MAPKAP1: variants seen among roughly 807,000 people sequenced by gnomAD.
MAPKAP1 encodes MAPK associated protein 1.
MAPKAP1 carries 20 observed loss-of-function variants against 65.7 expected under a neutral mutation model. That is an observed-to-expected ratio of 0.30 (90% CI 0.21 to 0.44). MAPKAP1 has a LOEUF of 0.44. Among genes scored for constraint, MAPKAP1 ranks in the 20% least tolerant of loss-of-function variants. The pLI is 1.00. For synonymous variants in MAPKAP1, 222 were observed against 244.3 expected, an observed-to-expected ratio of 0.91 and a Z score of 0.85; for missense variants, 423 against 648.0, an observed-to-expected ratio of 0.65 and a Z score of 3.77.
At chr9:125,697,946 C>T (rs1588087515) in intron 1 of MAPKAP1, among the ~76,000 whole-genome samples, 1 of 151,774 alleles carries the variant, frequency 6.6e-6, no homozygotes, top group Non-Finnish European at 1.5e-5. Context: ...TCAATAATAA[C>T]TTTCTGTAAA....
chr9:125,641,756 G>T (rs1352109698), intron 4 of MAPKAP1, among the ~76,000 whole-genome samples: 1 of 152,108 alleles, frequency 6.6e-6, no homozygotes, highest in Non-Finnish European at 1.5e-5. Context: ...AATAGGCCAG[G>T]CGTGGTGGCT....
intron 7 of MAPKAP1, among the ~76,000 whole-genome samples, chr9:125,540,555 G>C (rs1212853035): frequency 6.6e-6 from 1 of 152,206 alleles, no homozygotes; most frequent in Non-Finnish European, 1.5e-5. Context: ...GGGTAGCAAA[G>C]AGACAAGTGC....
rs1487914014 is a variant in MAPKAP1 at position 125,672,444 on chromosome 9, G to A, written c.131C>T (p.Pro44Leu). 2 of 1,614,026 alleles carry A rather than the reference G, an allele frequency of 1.2e-6. No individual in the cohort carries two copies. The highest frequency in any genetic ancestry group is 1.7e-5 in the Admixed American group (1 of 59,994). ...HDVDLEKIHP[P>L]SMPGDSGSEI... ...TGACCCACTGTCTCCAGGCATTGAA[G>A]GAGGATGAATCTTCTCTAGGTCAAC... Residue 44 changes from proline to leucine, a missense_variant, in exon 2 of 12, where the codon CCT (proline) becomes CTT (leucine). Physicochemically the swap from Pro to Leu is moderately conservative, Grantham distance 98 (BLOSUM62 -3). Around this residue, in one of 6 missense-constraint regions of MAPKAP1, gnomAD observed 58 missense variants for 56.9 expected, o/e 1.02. Transcript: ENST00000265960.
rs71374284 is a variant in MAPKAP1 at position 125,629,054 on chromosome 9, A to AACACACACACAC, written c.498+28585_498+28596dup. On this transcript the variant is annotated intron_variant, in intron 4 of 11. Coordinates refer to ENST00000265960, the MANE Select transcript of MAPKAP1 (RefSeq NM_001006617.3). ...CACCTGTTAGGATGGTCACTGTCAA[A>AACACACACACAC]ACACACACACACACACACACACACA... is the stretch of plus-strand genomic sequence containing the variant. 2.6e-3 allele frequency among the ~76,000 whole-genome samples: 388 copies of AACACACACACAC among 147,478 alleles called. 2 individuals are homozygous for AACACACACACAC. The highest frequency in any genetic ancestry group is 9.0e-3 in the African/African-American group (360 of 39,898).
chr9:125,600,005 A>G (rs1229503673), intron 4 of MAPKAP1: 1 of 152,222 alleles, frequency 6.6e-6, no homozygotes, highest in East Asian at 1.9e-4. Context: ...GGTTTTCTCT[A>G]CTTAAAACAA....
chr9:125,603,942 T>A (rs548382081), intron 4 of MAPKAP1, among the ~76,000 whole-genome samples: 6 of 149,898 alleles, frequency 4.0e-5, no homozygotes, highest in East Asian at 1.9e-4. Flanking sequence ...TTATTTTTTT[T>A]AACTAAATAA....
chr9:125,677,205 G>A (rs559221046), intron 1 of MAPKAP1, among the ~76,000 whole-genome samples: 35 of 152,192 alleles, frequency 2.3e-4, no homozygotes, highest in Middle Eastern at 3.4e-3. Context: ...TTGGGAGGCC[G>A]AGGCGGGCGG....
At chr9:125,697,828 A>G (rs952028853) in intron 1 of MAPKAP1, among the ~76,000 whole-genome samples, 2 of 152,184 alleles carry the variant, frequency 1.3e-5, no homozygotes, top group African/African-American at 4.8e-5. Context: ...TAACCATCTT[A>G]CCATCTTACC....
chr9:125,470,039 G>C (rs1005425719), intron 9 of MAPKAP1, among the ~76,000 whole-genome samples: 7 of 152,084 alleles, frequency 4.6e-5, no homozygotes, highest in African/African-American at 1.7e-4. Flanking sequence ...AATAAACCGT[G>C]CTCCACATTC....
rs1830738316 is a variant in MAPKAP1 at position 125,556,474 on chromosome 9, C to T, written c.848+3159G>A. Among the ~76,000 whole-genome samples the T allele has an allele frequency of 2.0e-5, 3 of 152,244 alleles. No individual in the cohort carries two copies. In the South Asian group the frequency reaches 6.2e-4, roughly 31 times the overall value. ...GCCTAAGAACAATATTGCTCACCCTCAGGTTCCACGCCTCTAAATTGTTCA... is the reference window on the plus strand; with the variant it reads ...GCCTAAGAACAATATTGCTCACCCTTAGGTTCCACGCCTCTAAATTGTTCA... On this transcript the variant is annotated intron_variant, in intron 6 of 11. Transcript: ENST00000265960.
chr9:125,503,892 T>A (rs1829060409), intron 8 of MAPKAP1, among the ~76,000 whole-genome samples: 2 of 62,880 alleles, frequency 3.2e-5, no homozygotes, highest in African/African-American at 4.5e-5. Context: ...TTTTTTTTTT[T>A]TTTTTTTTTT....
At chr9:125,591,101 C>A (rs1314319724) in intron 4 of MAPKAP1, among the ~76,000 whole-genome samples, 1 of 152,286 alleles carries the variant, frequency 6.6e-6, no homozygotes, top group Non-Finnish European at 1.5e-5. Flanking sequence ...GCTGAGAAAA[C>A]CAAGGCTTAC....
chr9:125,470,753 T>C (rs1853883617), intron 9 of MAPKAP1, among the ~76,000 whole-genome samples: 2 of 152,160 alleles, frequency 1.3e-5, no homozygotes, highest in Admixed American at 1.3e-4. Flanking sequence ...ATGAATGCAA[T>C]AGGCTCAAGA....
intron 5 of MAPKAP1, among the ~76,000 whole-genome samples, chr9:125,562,982 C>T (rs1164603034): frequency 6.6e-6 from 1 of 152,140 alleles, no homozygotes; most frequent in Non-Finnish European, 1.5e-5. Context: ...GGAAATATGA[C>T]ACACTTTGAT....
At chr9:125,453,872 A>T (rs1196028322) in intron 10 of MAPKAP1, among the ~76,000 whole-genome samples, 1 of 152,226 alleles carries the variant, frequency 6.6e-6, no homozygotes, top group Non-Finnish European at 1.5e-5. Context: ...CAGTGATGGA[A>T]ATTTCCCAAA....
chr9:125,653,985 A>G (rs1307790944), intron 4 of MAPKAP1, among the ~76,000 whole-genome samples: 4 of 152,246 alleles, frequency 2.6e-5, no homozygotes, highest in Non-Finnish European at 5.9e-5. Flanking sequence ...TTTGACCAGA[A>G]TAGTGATAAT....
intron 4 of MAPKAP1, among the ~76,000 whole-genome samples, chr9:125,603,478 A>C (rs1179143175): frequency 6.6e-6 from 1 of 152,176 alleles, no homozygotes; most frequent in African/African-American, 2.4e-5. Flanking sequence ...ACAAAGGTCC[A>C]TCTCAGGTTG....
intron 8 of MAPKAP1, among the ~76,000 whole-genome samples, chr9:125,492,195 GGCAATACC>G (rs1854761501): frequency 6.6e-6 from 1 of 152,108 alleles, no homozygotes; most frequent in Non-Finnish European, 1.5e-5. Context: ...CTGGCGACAG[GGCAATACC>G]TCGCCTCAAA....
At chr9:125,591,025 C>T (rs1396708154) in intron 4 of MAPKAP1, among the ~76,000 whole-genome samples, 1 of 152,132 alleles carries the variant, frequency 6.6e-6, no homozygotes, top group Non-Finnish European at 1.5e-5. Context: ...CCGCCCACCT[C>T]GGCCTCCCAA....
Sources: gnomAD v4.1 joint callset for allele counts (sites outside exome capture counted in the v4.1 genomes callset) on GRCh38, gnomAD v4.1.1 for gene constraint, gnomAD v4.1.1 regional missense constraint, MANE v1.5 for transcripts, NCBI Gene and HGNC (gene_info 2026-07-23, HGNC 2026-07-21) for gene names.